The following HHAT variants were observed in gnomAD, a reference collection of about 807,000 sequenced individuals.
HHAT encodes the protein hedgehog acyltransferase, also known as protein-cysteine N-palmitoyltransferase HHAT.
A neutral mutation model predicts 70.8 loss-of-function variants in HHAT; 47 were observed. The ratio of observed to expected loss-of-function variants is 0.66; its 90% CI spans 0.53 to 0.85. HHAT has a LOEUF of 0.85. HHAT is among the 40% of genes least tolerant of loss of function. The probability of loss-of-function intolerance (pLI) is 0.00; values close to 1 mark genes in which losing one functional copy is unlikely to be tolerated. For synonymous variants in HHAT, 228 were observed against 247.6 expected, an observed-to-expected ratio of 0.92 and a Z score of 0.74; for missense variants, 609 against 604.8, an observed-to-expected ratio of 1.01 and a Z score of -0.07.
intron 11 of HHAT, among the ~76,000 whole-genome samples, chr1:210,670,693 C>A (rs769356434): frequency 6.6e-6 from 1 of 152,200 alleles, no homozygotes; most frequent in Non-Finnish European, 1.5e-5. Context: ...GTACATGCCA[C>A]GTCTACTGTC....
At chr1:210,374,009 C>A (rs150464566) in intron 3 of HHAT, 17 of 152,324 alleles carry the variant, frequency 1.1e-4, no homozygotes, top group Non-Finnish European at 2.4e-4. Context: ...TGCAAGTATT[C>A]AGACCTTTGA....
intron 9 of HHAT, 51 bp downstream of exon 9, chr1:210,513,239 G>T: frequency 1.1e-6 from 1 of 905,348 alleles, no homozygotes; most frequent in African/African-American, 1.7e-5. Flanking sequence ...TGTCTATTAT[G>T]AAAGATTGAA....
At chr1:210,489,104 A>G (rs1457667880) in intron 8 of HHAT, among the ~76,000 whole-genome samples, 1 of 152,214 alleles carries the variant, frequency 6.6e-6, no homozygotes, top group Non-Finnish European at 1.5e-5. Context: ...GTATGTGTTC[A>G]TTCAAGATTC....
chr1:210,343,398 A>G (rs1317706491), intron 1 of HHAT, among the ~76,000 whole-genome samples: 1 of 152,194 alleles, frequency 6.6e-6, no homozygotes, highest in Non-Finnish European at 1.5e-5. Flanking sequence ...TCAGTCTCCT[A>G]ATGACTGTCT....
chr1:210,423,189 A>G (rs1354622047), intron 7 of HHAT, among the ~76,000 whole-genome samples: 3 of 152,164 alleles, frequency 2.0e-5, no homozygotes, highest in African/African-American at 7.2e-5. Context: ...CCCACCAACA[A>G]TGTGTAAGAA....
intron 7 of HHAT, among the ~76,000 whole-genome samples, chr1:210,452,312 C>T (rs1185726464): frequency 6.6e-6 from 1 of 152,212 alleles, no homozygotes; most frequent in Non-Finnish European, 1.5e-5. Context: ...GCCCCCTGCA[C>T]ATGCATTCAA....
chr1:210,434,237 G>A (rs985471177), intron 7 of HHAT, among the ~76,000 whole-genome samples: 5 of 151,860 alleles, frequency 3.3e-5, no homozygotes, highest in African/African-American at 1.2e-4. Context: ...TCATTCGGGG[G>A]AATATAGACC....
chr1:210,360,241 C>T (rs563859677), intron 2 of HHAT, among the ~76,000 whole-genome samples: 1 of 151,320 alleles, frequency 6.6e-6, no homozygotes, highest in Admixed American at 6.6e-5. Context: ...GCATTTGTGT[C>T]AAGAAATGAG....
intron 6 of HHAT, among the ~76,000 whole-genome samples, chr1:210,410,162 C>T (rs1007921898): frequency 6.6e-6 from 1 of 151,928 alleles, no homozygotes; most frequent in African/African-American, 2.4e-5. Flanking sequence ...ACGTCATTCT[C>T]CTGCCTCAGC....
Position 210,676,196 on chromosome 1 carries a change from G to C in HHAT, c.*1817G>C, listed in dbSNP as rs1574169591. On this transcript the variant is annotated 3_prime_UTR_variant, in exon 12 of 12. Transcript: ENST00000261458. Reference sequence around the variant, plus strand: ...TCATTAAACTACTTTGGAAGCGTCAGTGGATATATTTGAAAGTGGTAATCC... The same window carrying C: ...TCATTAAACTACTTTGGAAGCGTCACTGGATATATTTGAAAGTGGTAATCC... 1 of 152,198 alleles carries C rather than the reference G, an allele frequency of 6.6e-6. No individual in the cohort carries two copies. The highest frequency in any genetic ancestry group is 1.9e-4 in the East Asian group (1 of 5,198). The allele number at this position is 152,198 out of a possible 1,614,324, so 9.4% of individuals were successfully genotyped here. A position where few individuals can be genotyped will look rare whatever the true frequency, so the allele number is the denominator to read the frequency against.
At chr1:210,477,825 G>A (rs758015699) in intron 8 of HHAT, among the ~76,000 whole-genome samples, 1 of 152,180 alleles carries the variant, frequency 6.6e-6, no homozygotes, top group African/African-American at 2.4e-5. Flanking sequence ...GAACAGGGTT[G>A]TCATTAGGAG....
chr1:210,527,155 CT>C (rs1389278954), intron 9 of HHAT, among the ~76,000 whole-genome samples: 1 of 152,156 alleles, frequency 6.6e-6, no homozygotes, highest in African/African-American at 2.4e-5. Flanking sequence ...TTATCACCAC[CT>C]TCCAAGAATG....
chr1:210,614,427 T>C (rs1450103173), intron 10 of HHAT, among the ~76,000 whole-genome samples: 1 of 152,178 alleles, frequency 6.6e-6, no homozygotes, highest in Admixed American at 6.5e-5. Context: ...ATATATTTAT[T>C]ATACTTTACA....
intron 2 of HHAT, among the ~76,000 whole-genome samples, chr1:210,356,839 CAG>C (rs1403899582): frequency 6.6e-6 from 1 of 152,228 alleles, no homozygotes; most frequent in Non-Finnish European, 1.5e-5. Context: ...GGTGGGAAAA[CAG>C]AGGCCACTGG....
At chr1:210,350,083 G>C (rs746818531) in intron 2 of HHAT, among the ~76,000 whole-genome samples, 1 of 152,222 alleles carries the variant, frequency 6.6e-6, no homozygotes, top group Non-Finnish European at 1.5e-5. Context: ...TTTACATTAA[G>C]TCTTGAAGTT....
At chr1:210,593,515 T>C (rs1662225712) in intron 10 of HHAT, among the ~76,000 whole-genome samples, 1 of 152,216 alleles carries the variant, frequency 6.6e-6, no homozygotes, top group African/African-American at 2.4e-5. Context: ...TCTGCTTTTA[T>C]TCCATTGTTC....
intron 10 of HHAT, among the ~76,000 whole-genome samples, chr1:210,620,270 G>A (rs1238116969): frequency 2.6e-5 from 4 of 152,170 alleles, no homozygotes; most frequent in Non-Finnish European, 5.9e-5. Flanking sequence ...GTTTCCTCCT[G>A]GGAACTTACC....
intron 6 of HHAT, among the ~76,000 whole-genome samples, chr1:210,410,962 G>A (rs1295889638): frequency 6.6e-6 from 1 of 152,166 alleles, no homozygotes; most frequent in East Asian, 1.9e-4. Context: ...TACCTGGTAG[G>A]GAAGTTTTAG....
At chr1:210,616,466 A>G (rs1386255408) in intron 10 of HHAT, among the ~76,000 whole-genome samples, 1 of 152,208 alleles carries the variant, frequency 6.6e-6, no homozygotes, top group East Asian at 1.9e-4. Context: ...GATCCCAGTT[A>G]CTTTTAAAAA....
Sources: allele counts gnomAD v4.1 joint callset (sites outside exome capture counted in the v4.1 genomes callset), GRCh38; gene constraint gnomAD v4.1.1; transcripts MANE v1.5; gene names NCBI Gene and HGNC (gene_info 2026-07-23, HGNC 2026-07-21).